The following NPC1 variants were observed in gnomAD, a reference collection of about 807,000 sequenced individuals.
NPC1 encodes the protein NPC intracellular cholesterol transporter 1.
In NPC1, 85 loss-of-function variants were observed where a neutral mutation model predicts 140.4. The ratio of observed to expected loss-of-function variants is 0.61; its 90% CI spans 0.51 to 0.72. The LOEUF (loss-of-function observed/expected upper bound fraction) is 0.72, where lower values mean the gene tolerates loss of function less well. Ranked by LOEUF, NPC1 falls within the 30% of genes least tolerant of loss-of-function variation. The probability of loss-of-function intolerance (pLI) is 0.00; values close to 1 mark genes in which losing one functional copy is unlikely to be tolerated. For synonymous variants in NPC1, 656 were observed against 624.8 expected, an observed-to-expected ratio of 1.05 and a Z score of -0.74; for missense variants, 1,504 against 1,623.8, an observed-to-expected ratio of 0.93 and a Z score of 1.27.
At chr18:23,536,597 C>T (rs1319310958) in intron 21 of NPC1, 76 bp downstream of exon 21, 2 of 1,336,902 alleles carry the variant, frequency 1.5e-6, no homozygotes, top group Non-Finnish European at 2.1e-6. Flanking sequence ...AGCATCTTGC[C>T]AAGGGAACCC....
rs1053321823 is a variant in NPC1 at position 23,556,404 on chromosome 18, G to A, written c.1165C>T (p.Arg389Cys). Residue 389 changes from arginine to cysteine, a missense_variant, in exon 8 of 25, where the codon CGC (arginine) becomes TGC (cysteine). Arg to Cys is a radical substitution (Grantham distance 180). Transcript: ENST00000269228. The stretch of plus-strand genomic sequence containing the variant: ...TGGTCAAAGTACTCTTTTTCCAGGC[G>A]AGCCTGGCTGCTGGGGGCTGACCAG... ...DLWSAPSSQARLEKEYFDQHF... is the reference protein window; with the variant it reads ...DLWSAPSSQACLEKEYFDQHF... 6.8e-6 allele frequency: 11 copies of A among 1,613,992 alleles called. No individual in the cohort carries two copies. Among genetic ancestry groups the A allele is most frequent in the African/African-American group, 1.3e-5 (1 of 74,926 alleles).
chr18:23,571,638 A>G (rs77625867), intron 3 of NPC1, among the ~76,000 whole-genome samples: 5,452 of 145,022 alleles, frequency 0.038, 320 homozygotes, highest in African/African-American at 0.14. Flanking sequence ...TCGGTGACAG[A>G]GCAAGAGTCT....
At chr18:23,574,401 T>C (rs552018785) in intron 1 of NPC1, among the ~76,000 whole-genome samples, 20 of 151,850 alleles carry the variant, frequency 1.3e-4, no homozygotes, top group African/African-American at 4.4e-4. Context: ...ACAGAAGATA[T>C]CAAGAAGCAG....
chr18:23,570,417 G>A (rs1206099342), intron 3 of NPC1, among the ~76,000 whole-genome samples: 1 of 152,152 alleles, frequency 6.6e-6, no homozygotes, highest in East Asian at 1.9e-4. Flanking sequence ...CTCCAATTTG[G>A]TTCCATCAAT....
rs1222014388 is a variant in NPC1, at chr18:23,507,882, T to C, written c.432-1240A>G. 3.0e-6 allele frequency: 3 copies of C among 987,694 alleles called. No individual in the cohort carries two copies. In the Admixed American group the frequency reaches 1.0e-4, roughly 33 times the overall value. 61.2% of individuals were successfully genotyped at this position (987,694 alleles called of 1,614,324 possible). On this transcript the variant is annotated intron_variant, in intron 3 of 3. Transcript: ENST00000591107. ...GTCTTCAGTTATTTTCTGGTCACTTTTTAAGTTAATATTTATTTTTCTTGT... is the reference window on the plus strand; with the variant it reads ...GTCTTCAGTTATTTTCTGGTCACTTCTTAAGTTAATATTTATTTTTCTTGT...
Position 23,531,564 on chromosome 18 carries a change from GCTTT to G in NPC1, c.*634_*637del, listed in dbSNP as rs928039586. 2.0e-5 allele frequency: 31 copies of G among 1,586,632 alleles called. No homozygotes were observed. Among genetic ancestry groups the G allele is most frequent in the African/African-American group, 1.6e-4 (12 of 73,472 alleles). On this transcript the variant is annotated 3_prime_UTR_variant, in exon 25 of 25. Transcript: ENST00000269228. ...AACCCAGTAGACACACCTACGAGAT[GCTTT>G]CTTTGTCCCTCATTTCATGCCACAT...
chr18:23,542,878 G>A (rs931212123), intron 14 of NPC1, among the ~76,000 whole-genome samples: 20 of 152,166 alleles, frequency 1.3e-4, no homozygotes, highest in African/African-American at 4.8e-4. Flanking sequence ...GTGGCAAGAC[G>A]AACTCTAGGT....
chr18:23,574,374 G>A (rs2059245391), intron 1 of NPC1, among the ~76,000 whole-genome samples: 2 of 152,068 alleles, frequency 1.3e-5, no homozygotes, highest in South Asian at 2.1e-4. Context: ...GCCTGCAATC[G>A]TCTGTTCTAC....
intron 3 of NPC1, chr18:23,507,995 A>G: frequency 6.2e-7 from 1 of 1,610,622 alleles, no homozygotes; most frequent in East Asian, 2.2e-5. Flanking sequence ...GATTTTTGTA[A>G]TTTTATCCCT....
intron 6 of NPC1, among the ~76,000 whole-genome samples, chr18:23,559,692 G>A: frequency 6.6e-6 from 1 of 151,640 alleles, no homozygotes; most frequent in East Asian, 2.0e-4. Context: ...GCTTACTCCT[G>A]TAATCCCAGC....
intron 1 of NPC1, among the ~76,000 whole-genome samples, chr18:23,583,231 T>C (rs2059378153): frequency 1.3e-5 from 2 of 152,126 alleles, no homozygotes; most frequent in African/African-American, 4.8e-5. Context: ...AGGAAATATT[T>C]GTCTTTCACA....
chr18:23,521,489 T>G (rs932197607), downstream of NPC1, among the ~76,000 whole-genome samples: 1 of 152,206 alleles, frequency 6.6e-6, no homozygotes, highest in African/African-American at 2.4e-5. Context: ...GGACTGACAG[T>G]CACAGTAAGT....
rs745710763 is a variant in NPC1 at position 23,560,408 on chromosome 18, G to A, written c.704C>T (p.Thr235Ile). 1 of 1,614,222 alleles carries A rather than the reference G, an allele frequency of 6.2e-7. No homozygotes were observed. The highest frequency in any genetic ancestry group is 1.1e-5 in the South Asian group (1 of 91,090). Residue 235 changes from threonine (T) to isoleucine (I), a missense_variant, in exon 6 of 25, where the codon ACA (threonine) becomes ATA (isoleucine). By Grantham distance (89) the Thr-to-Ile change is moderately conservative. Coordinates refer to ENST00000269228, the MANE Select transcript of NPC1 (RefSeq NM_000271.5). Reference protein sequence around the residue: ...KGCDESVDEVTAPCSCQDCSI... With the variant: ...KGCDESVDEVIAPCSCQDCSI... ...GCAGTCTTGGCAGCTACATGGTGCT[G>A]TGACCTCATCCACAGACTCGTCACA... is the stretch of plus-strand genomic sequence containing the variant.
chr18:23,512,306 CCA>C (rs1423809859), intron 3 of NPC1, among the ~76,000 whole-genome samples: 7 of 152,266 alleles, frequency 4.6e-5, no homozygotes, highest in Non-Finnish European at 7.4e-5. Context: ...CAGGCGTGAG[CCA>C]CCATGCCTGG....
chr18:23,549,787 G>T (rs1202564561), intron 10 of NPC1, among the ~76,000 whole-genome samples: 3 of 146,498 alleles, frequency 2.0e-5, no homozygotes, highest in African/African-American at 5.2e-5. Context: ...TGTCGCCCAG[G>T]CTGGAGTGCA....
intron 3 of NPC1, among the ~76,000 whole-genome samples, chr18:23,571,475 G>A (rs1165997686): frequency 3.3e-5 from 5 of 152,044 alleles, no homozygotes; most frequent in African/African-American, 9.7e-5. Flanking sequence ...TGGCCAACAT[G>A]GTGAAACCCC....
intron 7 of NPC1, 102 bp from the exon 8 acceptor site, chr18:23,556,715 A>G: frequency 4.5e-6 from 7 of 1,544,886 alleles, no homozygotes; most frequent in Non-Finnish European, 6.1e-6. Flanking sequence ...GGCAGGAATC[A>G]AGCCCACCTG....
At chr18:23,581,662 T>G (rs1210937882) in intron 1 of NPC1, among the ~76,000 whole-genome samples, 1 of 152,114 alleles carries the variant, frequency 6.6e-6, no homozygotes, top group African/African-American at 2.4e-5. Flanking sequence ...TGCAAATTTT[T>G]TTAAGAGCTT....
At position 23,586,293 on chromosome 18, in the gene NPC1, T is replaced by A. The variant is rs1175682189; in HGVS notation, c.51A>T (p.Pro17=). The change falls in exon 1 of 25, where the codon CCA becomes CCT. Residue 17 remains proline (P), a synonymous_variant. Coordinates refer to ENST00000269228, the MANE Select transcript of NPC1 (RefSeq NM_000271.5). ...GTGGCCGGCGACCGCTCACCTGCGCTGGACACAGTAGCAGCAGGAGGAGGC... is the reference window on the plus strand; with the variant it reads ...GTGGCCGGCGACCGCTCACCTGCGCAGGACACAGTAGCAGCAGGAGGAGGC... The part of the protein sequence containing the change: ...ALGLLLLLLC[P]AQVFSQSCVW... 15 of 1,533,578 alleles carry A rather than the reference T, an allele frequency of 9.8e-6. No homozygotes were observed. In the South Asian group the frequency reaches 1.1e-4, roughly 11 times the overall value. 95.0% of individuals were successfully genotyped at this position (1,533,578 alleles called of 1,614,324 possible).
Sources: gnomAD v4.1 joint callset for allele counts (sites outside exome capture counted in the v4.1 genomes callset) on GRCh38, gnomAD v4.1.1 for gene constraint, MANE v1.5 for transcripts, NCBI Gene and HGNC (gene_info 2026-07-23, HGNC 2026-07-21) for gene names.